PCNX1: variants seen among roughly 807,000 people sequenced by gnomAD.
PCNX1 encodes pecanex-like protein 1.
PCNX1 carries 78 observed loss-of-function variants against 242.2 expected under a neutral mutation model. The observed-to-expected ratio is 0.32, with a 90% CI of 0.27 to 0.39. The LOEUF is 0.39. Ranked by LOEUF, PCNX1 falls within the 10% of genes least tolerant of loss-of-function variation. The probability of loss-of-function intolerance (pLI) is 1.00; values close to 1 mark genes in which losing one functional copy is unlikely to be tolerated. For synonymous variants in PCNX1, 1,024 were observed against 1,032.9 expected (o/e 0.99, Z 0.17); for missense variants, 2,581 against 2,856.5 (o/e 0.90, Z 2.20).
intron 7 of PCNX1, among the ~76,000 whole-genome samples, chr14:70,992,912 G>C (rs556963673): frequency 1.5e-4 from 23 of 152,224 alleles, no homozygotes; most frequent in Non-Finnish European, 2.5e-4. Flanking sequence ...AGGAATTCAA[G>C]AGACATCAGC....
At chr14:71,084,742 G>A (rs1271694317) in intron 28 of PCNX1, among the ~76,000 whole-genome samples, 2 of 152,220 alleles carry the variant, frequency 1.3e-5, no homozygotes, top group South Asian at 2.1e-4. Context: ...TGCTGTGCTG[G>A]CAGCAAGAAT....
intron 19 of PCNX1, among the ~76,000 whole-genome samples, chr14:71,039,668 C>G (rs1308459449): frequency 2.0e-5 from 3 of 152,176 alleles, no homozygotes; most frequent in African/African-American, 7.2e-5. Context: ...ATTTCAGAAG[C>G]TGACTACCAC....
At chr14:71,031,192 G>A (rs1210195334) in intron 16 of PCNX1, among the ~76,000 whole-genome samples, 5 of 152,188 alleles carry the variant, frequency 3.3e-5, no homozygotes, top group Admixed American at 3.3e-4. Flanking sequence ...GTGCAAATGT[G>A]CAAATATGCA....
intron 1 of PCNX1, among the ~76,000 whole-genome samples, chr14:70,944,884 T>C (rs2057397890): frequency 6.6e-6 from 1 of 152,270 alleles, no homozygotes; most frequent in Admixed American, 6.5e-5. Flanking sequence ...TCTCTCCTGC[T>C]GCCCTGTGAA....
intron 25 of PCNX1, 75 bp downstream of exon 25, chr14:71,055,637 A>C (rs901512492): frequency 3.6e-6 from 3 of 841,416 alleles, no homozygotes; most frequent in Non-Finnish European, 5.7e-6. Flanking sequence ...ATTCACTCCT[A>C]ACTTGTTGGG....
chr14:71,108,558 T>G, intron 33 of PCNX1, 46 bp from the exon 34 acceptor site: 4 of 1,447,842 alleles, frequency 2.8e-6, no homozygotes, highest in Non-Finnish European at 3.8e-6. Flanking sequence ...AAGTATTGTG[T>G]CTGAGTCATT....
Position 70,977,294 on chromosome 14 carries a change from C to G in PCNX1, c.957C>G (p.Ser319=). The change falls in exon 6 of 36, where the codon TCC becomes TCG. Residue 319 remains serine, a synonymous_variant. Coordinates refer to ENST00000304743, the MANE Select transcript of PCNX1 (RefSeq NM_014982.3). The stretch of plus-strand genomic sequence containing the variant: ...ATCCAGTTAGTGAGTTAGAATCTTC[C>G]AAGCCTCTTTCTGGATCCAAAGAAT... The part of the protein sequence containing the change: ...GLDPVSELES[S]KPLSGSKESL... 6.2e-7 allele frequency: 1 copy of G among 1,614,186 alleles called. No individual in the cohort carries two copies. The highest frequency in any genetic ancestry group is 8.5e-7 in the Non-Finnish European group (1 of 1,180,024).
chr14:71,059,830 C>T (rs997862529), intron 26 of PCNX1, among the ~76,000 whole-genome samples: 1 of 152,164 alleles, frequency 6.6e-6, no homozygotes. Flanking sequence ...CTGCCAGTTT[C>T]TCCATCCTCA....
chr14:70,989,492 C>T (rs1045907686), intron 7 of PCNX1, among the ~76,000 whole-genome samples: 8 of 150,066 alleles, frequency 5.3e-5, no homozygotes, highest in Non-Finnish European at 1.0e-4. Flanking sequence ...ATCCAAAAGA[C>T]TTGGGCTTTA....
intron 16 of PCNX1, among the ~76,000 whole-genome samples, chr14:71,029,951 G>A (rs1440153525): frequency 6.6e-6 from 1 of 152,174 alleles, no homozygotes; most frequent in Non-Finnish European, 1.5e-5. Flanking sequence ...TCTAGTTGAG[G>A]AATATTATGA....
At chr14:70,988,066 C>G (rs1431761092) in intron 6 of PCNX1, among the ~76,000 whole-genome samples, 1 of 152,142 alleles carries the variant, frequency 6.6e-6, no homozygotes, top group Non-Finnish European at 1.5e-5. Flanking sequence ...AAAATTATGG[C>G]ACAGGGTACT....
intron 1 of PCNX1, among the ~76,000 whole-genome samples, chr14:70,910,045 C>G (rs1594861728): frequency 1.7e-4 from 17 of 100,110 alleles, no homozygotes; most frequent in South Asian, 4.9e-4. Flanking sequence ...CCTCCTCCTC[C>G]TCCTCCTCCT....
intron 6 of PCNX1, among the ~76,000 whole-genome samples, chr14:70,979,073 T>C (rs530791858): frequency 4.6e-5 from 7 of 152,338 alleles, no homozygotes; most frequent in African/African-American, 1.7e-4. Flanking sequence ...TCACTCAGCC[T>C]ATTATATAAG....
At chr14:70,920,771 T>G (rs1371485785) in intron 1 of PCNX1, among the ~76,000 whole-genome samples, 1 of 152,208 alleles carries the variant, frequency 6.6e-6, no homozygotes, top group African/African-American at 2.4e-5. Context: ...ATATGACTAA[T>G]GCCTTGTGTG....
intron 19 of PCNX1, among the ~76,000 whole-genome samples, chr14:71,041,581 ATTTC>A (rs1351134694): frequency 3.3e-5 from 5 of 151,744 alleles, no homozygotes; most frequent in Middle Eastern, 3.4e-3. Context: ...TTATTTGGGT[ATTTC>A]TTTCTTTTTC....
intron 33 of PCNX1, among the ~76,000 whole-genome samples, chr14:71,106,971 ATTTATTTTATCATTAGTACTTTT>A (rs2062641326): frequency 6.6e-6 from 1 of 152,128 alleles, no homozygotes; most frequent in Non-Finnish European, 1.5e-5. Context: ...CTTACTATTC[ATTTATTTTATCATTAGTACTTTT>A]TATGTCCTAA....
At chr14:70,955,790 C>T (rs537633105) in intron 2 of PCNX1, among the ~76,000 whole-genome samples, 85 of 152,124 alleles carry the variant, frequency 5.6e-4, no homozygotes, top group Non-Finnish European at 9.7e-4. Context: ...TTTAGAACAT[C>T]TACAGCTTGG....
intron 26 of PCNX1, among the ~76,000 whole-genome samples, chr14:71,062,568 AAT>A (rs1333930926): frequency 6.6e-6 from 1 of 152,094 alleles, no homozygotes; most frequent in Non-Finnish European, 1.5e-5. Context: ...GCAGCTATAC[AAT>A]ATGTGTTTTA....
chr14:70,910,907 G>A (rs905387418), intron 1 of PCNX1, among the ~76,000 whole-genome samples: 1 of 152,176 alleles, frequency 6.6e-6, no homozygotes, highest in Non-Finnish European at 1.5e-5. Flanking sequence ...TGTTAGAACT[G>A]CTAGGAAAGG....
Sources: allele counts gnomAD v4.1 joint callset (sites outside exome capture counted in the v4.1 genomes callset), GRCh38; gene constraint gnomAD v4.1.1; transcripts MANE v1.5; gene names NCBI Gene and HGNC (gene_info 2026-07-23, HGNC 2026-07-21).